Variants in COL6A1 observed in about 807,000 individuals in gnomAD.
The protein encoded by COL6A1 is collagen type VI alpha 1 chain, also known as collagen alpha-1(VI) chain.
Under a neutral mutation model 145.6 loss-of-function variants are expected in COL6A1, and 80 were observed. The observed-to-expected ratio is 0.55, with a 90% confidence interval of 0.46 to 0.66. The LOEUF is 0.66. COL6A1 is among the 30% of genes least tolerant of loss of function. The pLI is 0.00. For missense variants in COL6A1, 1,364 were observed against 1,473.8 expected, an observed-to-expected ratio of 0.93 and a Z score of 1.22; for synonymous variants, 638 against 622.8, an observed-to-expected ratio of 1.02 and a Z score of -0.36.
chr21:45,999,697 G>A lies in COL6A1; in HGVS notation c.1776+5G>A. ...CAAGGACCGCCTGGGCCGGACGTAA[G>A]TGGGGCTCTGTGAACATTGCTGGGG... On this transcript the variant is annotated splice_donor_5th_base_variant and intron_variant, in intron 27 of 34. Coordinates refer to ENST00000361866, the MANE Select transcript of COL6A1 (RefSeq NM_001848.3). 6.2e-7 allele frequency: 1 copy of A among 1,612,932 alleles called. No homozygotes were observed. The highest frequency in any genetic ancestry group is 1.1e-5 in the South Asian group (1 of 90,820).
chr21:45,984,961 CAGAA>C (rs1451476814), intron 3 of COL6A1, among the ~76,000 whole-genome samples: 14 of 144,246 alleles, frequency 9.7e-5, no homozygotes, highest in Middle Eastern at 4.1e-3. Flanking sequence ...GGGACAGAGA[CAGAA>C]AGAGAGAGAG....
At chr21:45,988,778 C>T (rs1008206657) in intron 8 of COL6A1, among the ~76,000 whole-genome samples, 2 of 152,138 alleles carry the variant, frequency 1.3e-5, no homozygotes, top group Admixed American at 6.5e-5. Flanking sequence ...GCTGTGGGCC[C>T]GAGTCCCATG....
At position 45,981,827 on chromosome 21, in the gene COL6A1, G is replaced by C; in HGVS notation, c.-24G>C. 1 of 1,552,614 alleles carries C rather than the reference G, an allele frequency of 6.4e-7. No homozygotes were observed. ...CGGCCCACTCTGCCCTGGCCGCGCT[G>C]TGTGGTGACCGCAGGCCCCAGACAT... On this transcript the variant is annotated 5_prime_UTR_variant, in exon 1 of 35. Transcript: ENST00000361866.
chr21:45,982,716 C>G lies in COL6A1; in HGVS notation c.180C>G (p.Asp60Glu). The change falls in exon 2 of 35, where the codon GAC becomes GAG. Residue 60 changes from aspartate to glutamate, a missense_variant. Physicochemically the swap from Asp to Glu is conservative, Grantham distance 45. Transcript: ENST00000361866. ...LRLKPYGALVDKVKSFTKRFI... is the reference protein window; with the variant it reads ...LRLKPYGALVEKVKSFTKRFI... ...TGAAGCCCTACGGGGCCCTCGTGGACAAAGTCAAGTCCTTCACCAAGCGCT... is the reference window on the plus strand; with the variant it reads ...TGAAGCCCTACGGGGCCCTCGTGGAGAAAGTCAAGTCCTTCACCAAGCGCT... 1 of 1,612,772 alleles carries G rather than the reference C, an allele frequency of 6.2e-7. No individual in the cohort carries two copies.
At chr21:45,997,086 G>A (rs554357145) in intron 20 of COL6A1, among the ~76,000 whole-genome samples, 1,510 of 149,876 alleles carry the variant, frequency 0.01, 38 homozygotes, top group African/African-American at 0.036. Flanking sequence ...GGCACTCACC[G>A]AAGTCATCTG....
chr21:45,987,862 G>T (rs13050593), intron 8 of COL6A1, among the ~76,000 whole-genome samples: 3 of 5,902 alleles, frequency 5.1e-4, no homozygotes, highest in Admixed American at 1.3e-3. Context: ...GGGGACGGCG[G>T]GGTCCAGATG....
chr21:45,981,790 G>C lies in COL6A1; in HGVS notation c.-61G>C. 2 of 1,322,682 alleles carry C rather than the reference G, an allele frequency of 1.5e-6. No homozygotes were observed. The highest frequency in any genetic ancestry group is 2.1e-6 in the Non-Finnish European group (2 of 958,108). 81.9% of individuals were successfully genotyped at this position (1,322,682 alleles called of 1,614,324 possible). A position where few individuals can be genotyped will look rare whatever the true frequency, so the allele number is the denominator to read the frequency against. On this transcript the variant is annotated 5_prime_UTR_variant, in exon 1 of 35. Coordinates refer to ENST00000361866, the MANE Select transcript of COL6A1 (RefSeq NM_001848.3). Reference sequence around the variant, plus strand: ...GGAGCAGAAGGCAGCCTCGGTCTCTGGGCGGCGGCGGCGGCCCACTCTGCC... The same window carrying C: ...GGAGCAGAAGGCAGCCTCGGTCTCTCGGCGGCGGCGGCGGCCCACTCTGCC...
At position 46,002,697 on chromosome 21, in the gene COL6A1, C is replaced by A; in HGVS notation, c.2421C>A (p.Ala807=). The A allele has an allele frequency of 6.2e-7, 1 of 1,612,774 alleles. No homozygotes were observed. Among genetic ancestry groups the A allele is most frequent in the Non-Finnish European group, 8.5e-7 (1 of 1,179,472 alleles). ...ATGCCTTCCTGAAGAATGTCACCGC[C>A]CAGATCTGCATAGGTGCGCATGGGG... ...LEDAFLKNVT[A]QICIDKKCPD... The change falls in exon 33 of 35, where the codon GCC becomes GCA. Residue 807 remains alanine (A), a synonymous_variant. Coordinates refer to ENST00000361866, the MANE Select transcript of COL6A1 (RefSeq NM_001848.3).
chr21:45,998,204 T>C (rs1195058361), intron 23 of COL6A1, 33 bp downstream of exon 23: 9 of 1,608,348 alleles, frequency 5.6e-6, no homozygotes, highest in Middle Eastern at 1.7e-4. Context: ...CACAGGAACA[T>C]GCCCAAGCTG....
chr21:45,986,609 G>T lies in COL6A1; in HGVS notation c.512G>T (p.Gly171Val), dbSNP rs1237611732. The part of the protein sequence containing the change: ...PLEGYKEPCG[G>V]LEDAVNEAKH... ...GAGGGCTACAAGGAACCCTGTGGGG[G>T]GCTGGAGGATGCTGTGAACGAGGCC... is the stretch of plus-strand genomic sequence containing the variant. The change falls in exon 4 of 35, where the codon GGG (glycine) becomes GTG (valine). Residue 171 changes from glycine (G) to valine (V), a missense_variant. Coordinates refer to ENST00000361866, the MANE Select transcript of COL6A1 (RefSeq NM_001848.3). 1 of 1,558,482 alleles carries T rather than the reference G, an allele frequency of 6.4e-7. No individual in the cohort carries two copies. Among genetic ancestry groups the T allele is most frequent in the Admixed American group, 1.9e-5 (1 of 52,552 alleles).
At position 45,992,182 on chromosome 21, in the gene COL6A1, G is replaced by A; in HGVS notation, c.1201G>A (p.Gly401Arg). Residue 401 changes from glycine (G) to arginine (R), a missense_variant, in exon 17 of 35, where the codon GGG (glycine) becomes AGG (arginine). Around this residue, in one of 3 missense-constraint regions of COL6A1, gnomAD observed 938 missense variants for 1,003.8 expected, o/e 0.93. Transcript: ENST00000361866. ...CCCACAGGGCCAGCCGGGAGAGCCT[G>A]GGCCCCCCGGAGAGAAAGGAGAGGC... ...SGDEGQPGEP[G>R]PPGEKGEAGD... The A allele has an allele frequency of 1.2e-6, 2 of 1,613,792 alleles. No individual in the cohort carries two copies. The highest frequency in any genetic ancestry group is 1.7e-6 in the Non-Finnish European group (2 of 1,180,000).
chr21:45,982,861 C>G, intron 2 of COL6A1, 98 bp downstream of exon 2: 1 of 1,534,446 alleles, frequency 6.5e-7, no homozygotes, highest in South Asian at 1.1e-5. Flanking sequence ...GCCTCAACCT[C>G]CTAAGGTTGG....
intron 6 of COL6A1, 57 bp downstream of exon 6, chr21:45,987,232 C>A (rs766100827): frequency 3.8e-5 from 60 of 1,581,106 alleles, no homozygotes; most frequent in Non-Finnish European, 5.1e-5. Flanking sequence ...ACCCACACGT[C>A]CACCTGTGTG....
At chr21:45,991,486 C>A (rs1363495315) in intron 15 of COL6A1, among the ~76,000 whole-genome samples, 1 of 151,554 alleles carries the variant, frequency 6.6e-6, no homozygotes. Flanking sequence ...GAGTGGGCAG[C>A]GGGAGGGCGG....
intron 20 of COL6A1, among the ~76,000 whole-genome samples, chr21:45,995,444 C>A (rs980724034): frequency 1.3e-5 from 2 of 152,150 alleles, no homozygotes; most frequent in Admixed American, 1.3e-4. Flanking sequence ...CCCAGGGCCA[C>A]GTTCCAGGCT....
chr21:46,000,756 C>T lies in COL6A1; in HGVS notation c.1814-3C>T. On this transcript the variant is annotated splice_region_variant and splice_polypyrimidine_tract_variant and intron_variant, in intron 28 of 34. Coordinates refer to ENST00000361866, the MANE Select transcript of COL6A1 (RefSeq NM_001848.3). Reference sequence around the variant, plus strand: ...TCTAACTGACTCTTTCTCTTCTCCTCAGCTTGCTGTGGTGAGACCCAGGCT... The same window carrying T: ...TCTAACTGACTCTTTCTCTTCTCCTTAGCTTGCTGTGGTGAGACCCAGGCT... The T allele has an allele frequency of 6.2e-7, 1 of 1,613,972 alleles. No individual in the cohort carries two copies. The highest frequency in any genetic ancestry group is 8.5e-7 in the Non-Finnish European group (1 of 1,179,914).
chr21:45,989,668 T>C lies in COL6A1; in HGVS notation c.903+16T>C. 2.5e-6 allele frequency: 4 copies of C among 1,613,130 alleles called. No individual in the cohort carries two copies. The highest frequency in any genetic ancestry group is 3.4e-6 in the Non-Finnish European group (4 of 1,179,986). On this transcript the variant is annotated intron_variant, in intron 10 of 34. Coordinates refer to ENST00000361866, the MANE Select transcript of COL6A1 (RefSeq NM_001848.3). ...GGGAATGAAGGTACGTGCCCCCCCTTTCCTGGCCCGAGCCCGGTGGTGCCC... is the reference window on the plus strand; with the variant it reads ...GGGAATGAAGGTACGTGCCCCCCCTCTCCTGGCCCGAGCCCGGTGGTGCCC...
In COL6A1 at chr21:46,003,963, CTCCGCGGTG is replaced by C. The variant is rs757395324; in HGVS notation, c.3040_3048del (p.Arg1014_Val1016del). On this transcript the variant is annotated inframe_deletion, in exon 35 of 35. Transcript: ENST00000361866. ...CCGTGTCCCCAGCTACCAGGCCCTG[CTCCGCGGTG>C]TCTTCCACCAGACAGTCTCCAGGAA... 6.2e-7 allele frequency: 1 copy of C among 1,613,010 alleles called. No homozygotes were observed. The highest frequency in any genetic ancestry group is 1.1e-5 in the South Asian group (1 of 91,064).
intron 16 of COL6A1, 30 bp from the exon 17 acceptor site, chr21:45,992,134 G>C (rs2077780242): frequency 1.9e-6 from 3 of 1,613,484 alleles, no homozygotes; most frequent in Non-Finnish European, 1.7e-6. Context: ...CAAGGAGATG[G>C]AGCGACCATT....
Sources: gnomAD v4.1 joint callset for allele counts (sites outside exome capture counted in the v4.1 genomes callset) on GRCh38, gnomAD v4.1.1 for gene constraint, gnomAD v4.1.1 regional missense constraint, MANE v1.5 for transcripts, NCBI Gene and HGNC (gene_info 2026-07-23, HGNC 2026-07-21) for gene names.